The following RIPOR3 variants were observed in gnomAD, a reference collection of about 807,000 sequenced individuals.
The protein encoded by RIPOR3 is RIPOR family member 3.
RIPOR3 carries 95 observed loss-of-function variants against 114.3 expected under a neutral mutation model. The observed-to-expected ratio is 0.83, with a 90% CI of 0.70 to 0.99. The LOEUF (loss-of-function observed/expected upper bound fraction) is 0.99, where lower values mean the gene tolerates loss of function less well. Ranked by LOEUF, RIPOR3 falls within the 50% of genes least tolerant of loss-of-function variation. RIPOR3 has a pLI of 0.00. For synonymous variants in RIPOR3, 575 were observed against 543.8 expected (o/e 1.06, Z -0.80); for missense variants, 1,252 against 1,266.9 (o/e 0.99, Z 0.18).
At position 50,610,870 on chromosome 20, in the gene RIPOR3, C is replaced by G; in HGVS notation, c.409G>C (p.Glu137Gln). 1 of 1,614,230 alleles carries G rather than the reference C, an allele frequency of 6.2e-7. No homozygotes were observed. Residue 137 changes from glutamate to glutamine, a missense_variant, in exon 6 of 22, where the codon GAG (glutamate) becomes CAG (glutamine). Glu to Gln is a conservative substitution (Grantham distance 29). Transcript: ENST00000327979. ...CAGCTGACCTTGCTGATGTGAAACT[C>G]CATCTTCCGAATGTGCCTTTCCACA... ...RCVERHIRKM[E>Q]FHISKVDELY...
At chr20:50,606,185 G>A (rs1176672910) in intron 11 of RIPOR3, among the ~76,000 whole-genome samples, 1 of 152,172 alleles carries the variant, frequency 6.6e-6, no homozygotes, top group Non-Finnish European at 1.5e-5. Flanking sequence ...CAGCCTGGGC[G>A]ACAGAGCGAG....
At chr20:50,665,458 T>A (rs2086156885) in intron 1 of RIPOR3, among the ~76,000 whole-genome samples, 1 of 132,930 alleles carries the variant, frequency 7.5e-6, no homozygotes, top group Admixed American at 8.9e-5. Context: ...TCTCGCCCTG[T>A]CGCCCAGGCT....
chr20:50,648,279 A>G (rs946468256), intron 1 of RIPOR3, among the ~76,000 whole-genome samples: 1 of 151,876 alleles, frequency 6.6e-6, no homozygotes, highest in Admixed American at 6.6e-5. Flanking sequence ...TCCATCTCTA[A>G]AAAAAAGAAA....
intron 1 of RIPOR3, among the ~76,000 whole-genome samples, chr20:50,633,754 C>T (rs1247166248): frequency 6.6e-6 from 1 of 152,134 alleles, no homozygotes. Flanking sequence ...AAGCTCAAAA[C>T]AAGCCCCAGG....
intron 1 of RIPOR3, among the ~76,000 whole-genome samples, chr20:50,632,173 T>A (rs2084840177): frequency 6.6e-6 from 1 of 151,306 alleles, no homozygotes; most frequent in Non-Finnish European, 1.5e-5. Flanking sequence ...CTCCCATATA[T>A]CCCCCACCCC....
chr20:50,659,185 T>C (rs2085914224), intron 1 of RIPOR3, among the ~76,000 whole-genome samples: 1 of 152,224 alleles, frequency 6.6e-6, no homozygotes, highest in Admixed American at 6.5e-5. Flanking sequence ...CTGCCGCTGG[T>C]TAACAGCCAT....
At chr20:50,612,228 A>G (rs942234242) in intron 4 of RIPOR3, among the ~76,000 whole-genome samples, 2 of 151,384 alleles carry the variant, frequency 1.3e-5, no homozygotes, top group Admixed American at 6.6e-5. Context: ...AAGTGGACCT[A>G]AGACATGGGA....
At chr20:50,690,401 C>T (rs543418131) in intron 1 of RIPOR3, among the ~76,000 whole-genome samples, 1 of 152,158 alleles carries the variant, frequency 6.6e-6, no homozygotes, top group South Asian at 2.1e-4. Flanking sequence ...GCCTGGAGCC[C>T]CTGCCCCATC....
chr20:50,639,631 G>C (rs540663781), intron 1 of RIPOR3, among the ~76,000 whole-genome samples: 1 of 152,242 alleles, frequency 6.6e-6, no homozygotes, highest in South Asian at 2.1e-4. Context: ...TACCTGGGAG[G>C]CTGAGGCAGG....
At chr20:50,605,164 C>T (rs2083661410) in intron 11 of RIPOR3, among the ~76,000 whole-genome samples, 1 of 151,926 alleles carries the variant, frequency 6.6e-6, no homozygotes, top group Admixed American at 6.6e-5. Context: ...AACTTCTGGG[C>T]TCAAGCAATC....
At chr20:50,589,232 C>T (rs1374717943) in intron 20 of RIPOR3, among the ~76,000 whole-genome samples, 1 of 151,886 alleles carries the variant, frequency 6.6e-6, no homozygotes, top group Non-Finnish European at 1.5e-5. Flanking sequence ...AAGAAGCATA[C>T]CAGAATGTCA....
chr20:50,666,226 T>TCTTTTCTCTTCTCCTCTCTTCTCTTC (rs1555873214), intron 1 of RIPOR3, among the ~76,000 whole-genome samples: 1 of 139,738 alleles, frequency 7.2e-6, no homozygotes, highest in Admixed American at 7.4e-5. Context: ...TCTTTTCTTT[T>TCTTTTCTCTTCTCCTCTCTTCTCTTC]TTGAGACGGA....
intron 1 of RIPOR3, among the ~76,000 whole-genome samples, chr20:50,642,826 A>C (rs974424093): frequency 3.3e-5 from 5 of 152,092 alleles, no homozygotes; most frequent in African/African-American, 1.2e-4. Flanking sequence ...AAGCGGGCAG[A>C]TCACCTGAGG....
chr20:50,609,021 C>T (rs1198009121), intron 8 of RIPOR3, 66 bp from the exon 9 acceptor site: 15 of 1,533,638 alleles, frequency 9.8e-6, no homozygotes, highest in Non-Finnish European at 9.7e-6. Flanking sequence ...ACCACAGGTC[C>T]TCTCTGGGGT....
At chr20:50,648,951 C>T (rs7266126) in intron 1 of RIPOR3, among the ~76,000 whole-genome samples, 21,901 of 152,040 alleles carry the variant, frequency 0.14, 2,175 homozygotes, top group African/African-American at 0.29. Context: ...AGTCCATGGC[C>T]CAGGGGTTGG....
chr20:50,603,026 G>T (rs2083563876), intron 12 of RIPOR3, among the ~76,000 whole-genome samples: 1 of 152,214 alleles, frequency 6.6e-6, no homozygotes, highest in Non-Finnish European at 1.5e-5. Flanking sequence ...CCTCTCCTGA[G>T]AACCCTGTCC....
chr20:50,657,515 A>T (rs1319259389), intron 1 of RIPOR3, among the ~76,000 whole-genome samples: 1 of 152,060 alleles, frequency 6.6e-6, no homozygotes, highest in Non-Finnish European at 1.5e-5. Flanking sequence ...CAACAGAGTG[A>T]GACTCTTCTC....
chr20:50,666,286 G>A (rs545330225), intron 1 of RIPOR3, among the ~76,000 whole-genome samples: 2 of 140,484 alleles, frequency 1.4e-5, no homozygotes, highest in South Asian at 2.2e-4. Context: ...GTGCAGTGGC[G>A]CAATCTCGGC....
At chr20:50,609,451 G>A in intron 7 of RIPOR3, 95 bp from the exon 8 acceptor site, 2 of 1,515,074 alleles carry the variant, frequency 1.3e-6, no homozygotes, top group Non-Finnish European at 1.8e-6. Flanking sequence ...CACAGGCAGA[G>A]AGACGCCTCC....
Sources: allele counts gnomAD v4.1 joint callset (sites outside exome capture counted in the v4.1 genomes callset), GRCh38; gene constraint gnomAD v4.1.1; transcripts MANE v1.5; gene names NCBI Gene and HGNC (gene_info 2026-07-23, HGNC 2026-07-21).